The following MGRN1 variants were observed in gnomAD, a reference collection of about 807,000 sequenced individuals.
MGRN1 encodes the protein E3 ubiquitin-protein ligase MGRN1.
Under a neutral mutation model 69.2 loss-of-function variants are expected in MGRN1, and 29 were observed. That is an observed-to-expected ratio of 0.42 (90% confidence interval 0.31 to 0.57). MGRN1 has a LOEUF of 0.57. Among genes scored for constraint, MGRN1 ranks in the 20% least tolerant of loss-of-function variants. The pLI, the probability that MGRN1 is intolerant of heterozygous loss-of-function variation, is 0.15. For missense variants in MGRN1, 998 were observed against 796.2 expected (o/e 1.25, Z -3.05); for synonymous variants, 470 against 344.2 (o/e 1.37, Z -4.04).
rs534335748 is a variant in MGRN1, at chr16:4,661,797, T to C, written c.562-2912T>C. Among the ~76,000 whole-genome samples, 6 of 152,392 alleles carry C rather than the reference T, an allele frequency of 3.9e-5. No individual in the cohort carries two copies. The East Asian group carries it at 1.2e-3, about 29-fold the overall frequency. On this transcript the variant is annotated intron_variant, in intron 5 of 16. Coordinates refer to ENST00000262370, the MANE Select transcript of MGRN1 (RefSeq NM_015246.4). ...ACCCTTCCTCGTGAGATGCGGGGCC[T>C]AGGTCCGTGTGGACTTGGTCTCCAG...
intron 1 of MGRN1, among the ~76,000 whole-genome samples, chr16:4,644,313 T>TG (rs1567182279): frequency 6.8e-6 from 1 of 148,032 alleles, no homozygotes; most frequent in East Asian, 2.0e-4. Flanking sequence ...CAGTTTTTTT[T>TG]TTTTTTTTTT....
At chr16:4,642,466 TTG>T (rs143119735) in intron 1 of MGRN1, among the ~76,000 whole-genome samples, 7,520 of 141,274 alleles carry the variant, frequency 0.053, 208 homozygotes, top group Middle Eastern at 0.089. Flanking sequence ...GCCAGCTAAT[TTG>T]TGTGTGTGTG....
At chr16:4,656,702 G>A (rs1263360191) in intron 4 of MGRN1, among the ~76,000 whole-genome samples, 1 of 152,060 alleles carries the variant, frequency 6.6e-6, no homozygotes, top group Non-Finnish European at 1.5e-5. Context: ...CCAACATGGT[G>A]AAACCCCATC....
intron 4 of MGRN1, 104 bp downstream of exon 4, chr16:4,652,928 T>G (rs1342646902): frequency 7.3e-7 from 1 of 1,370,968 alleles, no homozygotes; most frequent in African/African-American, 1.5e-5. Flanking sequence ...CAAACCGTGC[T>G]CTTTGACCAT....
chr16:4,648,449 G>A (rs990025884), intron 1 of MGRN1, among the ~76,000 whole-genome samples: 22 of 113,926 alleles, frequency 1.9e-4, no homozygotes, highest in Non-Finnish European at 2.9e-4. Context: ...TCCTCCTCTC[G>A]GGGACTCTTC....
chr16:4,664,227 C>T (rs1010267281), intron 5 of MGRN1: 2 of 217,878 alleles, frequency 9.2e-6, no homozygotes, highest in Admixed American at 5.2e-5. Context: ...GCGTGCTGCA[C>T]CGTGGGTGAA....
intron 10 of MGRN1, chr16:4,677,242 G>A (rs927623997): frequency 2.6e-4 from 116 of 440,450 alleles, no homozygotes; most frequent in Non-Finnish European, 4.0e-5. Context: ...CTCTATTTCT[G>A]TACAGGGGAG....
chr16:4,682,358 G>T (rs2079205421), intron 13 of MGRN1, among the ~76,000 whole-genome samples: 1 of 152,254 alleles, frequency 6.6e-6, no homozygotes, highest in Non-Finnish European at 1.5e-5. Context: ...GAGCCTTGCG[G>T]TGTATAGAGC....
At chr16:4,688,492 C>T in intron 16 of MGRN1, 1 of 1,167,140 alleles carries the variant, frequency 8.6e-7, no homozygotes, top group Non-Finnish European at 1.1e-6. Context: ...AGGGCAAGGG[C>T]AGGAGGCCCA....
At chr16:4,657,156 G>T in intron 4 of MGRN1, 90 bp from the exon 5 acceptor site, 1 of 1,236,554 alleles carries the variant, frequency 8.1e-7, no homozygotes, top group Non-Finnish European at 1.2e-6. Context: ...ACAGGTGTCT[G>T]CGGCCCTTCC....
intron 12 of MGRN1, 127 bp from the exon 13 acceptor site, chr16:4,681,423 C>CCA (rs1319304215): frequency 1.1e-6 from 1 of 887,654 alleles, no homozygotes. Flanking sequence ...GAGCTCTTGG[C>CCA]CACCCTCTGA....
At chr16:4,671,019 G>C (rs1041676445) in intron 8 of MGRN1, among the ~76,000 whole-genome samples, 1 of 152,242 alleles carries the variant, frequency 6.6e-6, no homozygotes, top group African/African-American at 2.4e-5. Flanking sequence ...CTGGAAAGCA[G>C]TGGGAACTTA....
chr16:4,633,302 C>A (rs1378153139), intron 1 of MGRN1, among the ~76,000 whole-genome samples: 1 of 147,210 alleles, frequency 6.8e-6, no homozygotes. Flanking sequence ...GGCAGGAGAA[C>A]TGCTTTAAAC....
chr16:4,674,681 T>TGGACTGC (rs1240642313), intron 10 of MGRN1, among the ~76,000 whole-genome samples: 1 of 124,464 alleles, frequency 8.0e-6, no homozygotes, highest in East Asian at 3.0e-4. Context: ...TCGCCCAGGC[T>TGGACTGC]GGACTGCGGA....
chr16:4,635,531 A>G (rs936129266), intron 1 of MGRN1, among the ~76,000 whole-genome samples: 1 of 151,512 alleles, frequency 6.6e-6, no homozygotes, highest in Non-Finnish European at 1.5e-5. Flanking sequence ...GTGTAGTGGC[A>G]TGATCTTAGC....
chr16:4,642,722 C>T (rs1393204263), intron 1 of MGRN1, among the ~76,000 whole-genome samples: 1 of 151,992 alleles, frequency 6.6e-6, no homozygotes, highest in Admixed American at 6.6e-5. Context: ...CTGCCCTGGC[C>T]TCCCAAAGTG....
Position 4,680,203 on chromosome 16 carries a change from A to G in MGRN1, c.1131+106A>G, listed in dbSNP as rs2079148373. The G allele has an allele frequency of 3.6e-6, 4 of 1,119,164 alleles. No homozygotes were observed. The Admixed American group carries it at 8.6e-5, about 24-fold the overall frequency. The allele number at this position is 1,119,164 out of a possible 1,614,324, so 69.3% of individuals were successfully genotyped here. ...CGCCCCAGGCTAGTGTCTGATTCAT[A>G]TAACCCGTCAGCTCCACTTGCCCAG... On this transcript the variant is annotated intron_variant, in intron 12 of 16. Coordinates refer to ENST00000262370, the MANE Select transcript of MGRN1 (RefSeq NM_015246.4).
chr16:4,672,391 C>T (rs762111454), intron 9 of MGRN1: 1 of 456,712 alleles, frequency 2.2e-6, no homozygotes, highest in South Asian at 1.5e-5. Flanking sequence ...GAAACTCCTG[C>T]CTCTTAAGAT....
At chr16:4,681,484 A>T in intron 12 of MGRN1, 66 bp from the exon 13 acceptor site, 3 of 1,465,426 alleles carry the variant, frequency 2.0e-6, no homozygotes, top group Non-Finnish European at 2.8e-6. Flanking sequence ...GGAGGTCATC[A>T]GGAGGAGCGT....
Sources: gnomAD v4.1 joint callset for allele counts (sites outside exome capture counted in the v4.1 genomes callset) on GRCh38, gnomAD v4.1.1 for gene constraint, MANE v1.5 for transcripts, NCBI Gene and HGNC (gene_info 2026-07-23, HGNC 2026-07-21) for gene names.